HTRA1: variants seen among roughly 807,000 people sequenced by gnomAD.
HTRA1 encodes the protein HtrA serine peptidase 1.
A neutral mutation model predicts 49.7 loss-of-function variants in HTRA1; 26 were observed. That is an observed-to-expected ratio of 0.52 (90% CI 0.38 to 0.73). HTRA1 has a LOEUF of 0.73. Ranked by LOEUF, HTRA1 falls within the 30% of genes least tolerant of loss-of-function variation. The pLI, the probability that HTRA1 is intolerant of heterozygous loss-of-function variation, is 0.00. For synonymous variants in HTRA1, 291 were observed against 286.9 expected, an observed-to-expected ratio of 1.01 and a Z score of -0.14; for missense variants, 561 against 667.2, an observed-to-expected ratio of 0.84 and a Z score of 1.75.
chr10:122,471,454 C>T (rs1033085145), intron 1 of HTRA1, among the ~76,000 whole-genome samples: 5 of 152,194 alleles, frequency 3.3e-5, no homozygotes, highest in Admixed American at 6.5e-5. Flanking sequence ...CATTCTGCTC[C>T]GACCTTTCAC....
At chr10:122,498,570 G>T (rs2097499676) in intron 3 of HTRA1, among the ~76,000 whole-genome samples, 1 of 152,128 alleles carries the variant, frequency 6.6e-6, no homozygotes, top group Non-Finnish European at 1.5e-5. Flanking sequence ...CTGAACGGAA[G>T]GGTTCTGAAG....
rs117502747 is a variant in HTRA1 at position 122,487,732 on chromosome 10, G to T, written c.473-1170G>T. Among the ~76,000 whole-genome samples the T allele has an allele frequency of 7.6e-4, 116 of 152,316 alleles. No individual in the cohort carries two copies. The highest frequency in any genetic ancestry group is 1.4e-3 in the Non-Finnish European group (94 of 68,032). Reference sequence around the variant, plus strand: ...CAGAGCCCACTCCACACCTAGGCCAGATGGCAGAGCCTGTTGTTTCTAGGA... The same window carrying T: ...CAGAGCCCACTCCACACCTAGGCCATATGGCAGAGCCTGTTGTTTCTAGGA... On this transcript the variant is annotated intron_variant, in intron 1 of 8. Transcript: ENST00000368984. This position sits in a 1 kb window ranked among gnomAD's most constrained non-coding sequence, Gnocchi z 4.8.
chr10:122,471,136 T>G (rs957889321), intron 1 of HTRA1, among the ~76,000 whole-genome samples: 1 of 152,238 alleles, frequency 6.6e-6, no homozygotes, highest in Non-Finnish European at 1.5e-5. Flanking sequence ...TAATGTTTGC[T>G]GGTCAGGAAA....
At chr10:122,469,186 G>A (rs2097485067) in intron 1 of HTRA1, among the ~76,000 whole-genome samples, 2 of 152,080 alleles carry the variant, frequency 1.3e-5, no homozygotes, top group South Asian at 4.1e-4. Flanking sequence ...CATTAGTTGT[G>A]CAATAAAGAT....
chr10:122,472,484 C>T (rs1314019653), intron 1 of HTRA1, among the ~76,000 whole-genome samples: 1 of 151,764 alleles, frequency 6.6e-6, no homozygotes, highest in Admixed American at 6.6e-5. Flanking sequence ...CAACCTCCAC[C>T]TCCCAGGTTC....
chr10:122,503,833 T>G (rs574357358), intron 3 of HTRA1, among the ~76,000 whole-genome samples: 1 of 152,294 alleles, frequency 6.6e-6, no homozygotes, highest in African/African-American at 2.4e-5. Context: ...GGGTTGCCCT[T>G]CATGAGCTAG....
At chr10:122,483,321 C>A (rs939022103) in intron 1 of HTRA1, among the ~76,000 whole-genome samples, 1 of 152,130 alleles carries the variant, frequency 6.6e-6, no homozygotes, top group Admixed American at 6.5e-5. Context: ...TGAATCTTGG[C>A]AATTTTTAAA....
At chr10:122,496,155 CACTAGGTGGCCGCGGCGAGCAGGAAGA>C (rs1182575190) in intron 3 of HTRA1, among the ~76,000 whole-genome samples, 2 of 147,688 alleles carry the variant, frequency 1.4e-5, no homozygotes, top group Non-Finnish European at 3.0e-5. Context: ...CGAGGTGAAG[CACTAGGTGGCCGCGGCGAGCAGGAAGA>C]GAAGCTGATT....
At chr10:122,499,130 C>T (rs974520420) in intron 3 of HTRA1, among the ~76,000 whole-genome samples, 17 of 152,050 alleles carry the variant, frequency 1.1e-4, no homozygotes, top group Admixed American at 6.5e-5. Context: ...CTAATGCACC[C>T]GACACAGAAG....
intron 1 of HTRA1, among the ~76,000 whole-genome samples, chr10:122,470,384 G>A (rs1237377526): frequency 6.6e-6 from 1 of 152,196 alleles, no homozygotes. Context: ...GTATGGAGGA[G>A]CTTCGTCAAC....
At chr10:122,503,892 C>T (rs1026406011) in intron 3 of HTRA1, among the ~76,000 whole-genome samples, 3 of 152,170 alleles carry the variant, frequency 2.0e-5, no homozygotes, top group African/African-American at 7.2e-5. Context: ...ACTGGTGGTG[C>T]CCATTGGTGC....
At position 122,484,080 on chromosome 10, in the gene HTRA1, C is replaced by T. The variant is rs150147233; in HGVS notation, c.473-4822C>T. Among the ~76,000 whole-genome samples, 10 of 152,286 alleles carry T rather than the reference C, an allele frequency of 6.6e-5. No homozygotes were observed. The East Asian group carries it at 1.3e-3, about 21-fold the overall frequency. ...CCTCATTGTGTGGTCCATTACTGAA[C>T]GGCAGCCAGTTCCAGCTTTCTGTTC... On this transcript the variant is annotated intron_variant, in intron 1 of 8. Coordinates refer to ENST00000368984, the MANE Select transcript of HTRA1 (RefSeq NM_002775.5).
Position 122,498,353 on chromosome 10 carries a change from T to G in HTRA1, c.778-8338T>G, listed in dbSNP as rs574065726. 6.6e-5 allele frequency among the ~76,000 whole-genome samples: 10 copies of G among 152,280 alleles called. No individual in the cohort carries two copies. In the South Asian group the frequency reaches 1.7e-3, roughly 25 times the overall value. On this transcript the variant is annotated intron_variant, in intron 3 of 8. Transcript: ENST00000368984. ...CATGATGGCAACTTGGTCACACCGT[T>G]CTTCTCAGTCTGTATATGTCGGTGA...
At chr10:122,488,224 A>G (rs1353748163) in intron 1 of HTRA1, among the ~76,000 whole-genome samples, 2 of 152,006 alleles carry the variant, frequency 1.3e-5, no homozygotes, top group African/African-American at 4.8e-5. Flanking sequence ...CTTCTTTGTA[A>G]TGGTGGGGAC....
At chr10:122,474,277 T>G (rs1056991793) in intron 1 of HTRA1, among the ~76,000 whole-genome samples, 1 of 152,166 alleles carries the variant, frequency 6.6e-6, no homozygotes, top group Admixed American at 6.5e-5. Flanking sequence ...AGTGGCTTGT[T>G]TTGGGTCCGG....
At chr10:122,468,426 A>G (rs2097484708) in intron 1 of HTRA1, among the ~76,000 whole-genome samples, 1 of 151,214 alleles carries the variant, frequency 6.6e-6, no homozygotes, top group African/African-American at 2.4e-5. Context: ...CATCATCATC[A>G]TCATCATCAT....
chr10:122,495,256 A>G (rs934721432), intron 3 of HTRA1, among the ~76,000 whole-genome samples: 5 of 151,816 alleles, frequency 3.3e-5, no homozygotes, highest in African/African-American at 7.3e-5. Flanking sequence ...CTTTCCCCCA[A>G]CGCCTTCTGT....
intron 1 of HTRA1, among the ~76,000 whole-genome samples, chr10:122,475,045 A>G (rs2097487806): frequency 6.6e-6 from 1 of 152,226 alleles, no homozygotes; most frequent in Non-Finnish European, 1.5e-5. Context: ...CTGACAGCAC[A>G]GTGAGGGGTT....
chr10:122,485,749 A>C (rs1250998316), intron 1 of HTRA1, among the ~76,000 whole-genome samples: 1 of 152,174 alleles, frequency 6.6e-6, no homozygotes, highest in East Asian at 1.9e-4. Flanking sequence ...GTGTGGGCAA[A>C]TTCTCCCATA....
Sources: gnomAD v4.1 joint callset for allele counts (sites outside exome capture counted in the v4.1 genomes callset) on GRCh38, gnomAD v4.1.1 for gene constraint, Gnocchi (gnomAD v3.1) non-coding constraint, MANE v1.5 for transcripts, NCBI Gene and HGNC (gene_info 2026-07-23, HGNC 2026-07-21) for gene names.